OR6C74: variants seen among roughly 807,000 people sequenced by gnomAD.
The protein encoded by OR6C74 is olfactory receptor family 6 subfamily C member 74, also known as olfactory receptor 6C74.
For missense variants in OR6C74, 361 were observed against 362.9 expected, an observed-to-expected ratio of 0.99 and a Z score of 0.04; for synonymous variants, 142 against 134.2, an observed-to-expected ratio of 1.06 and a Z score of -0.40.
In OR6C74 at chr12:55,247,043, T is replaced by C. The variant is rs993312373; in HGVS notation, c.-9-236T>C. Among the ~76,000 whole-genome samples, 3 of 152,328 alleles carry C rather than the reference T, an allele frequency of 2.0e-5. No individual in the cohort carries two copies. In the South Asian group the frequency reaches 6.2e-4, roughly 32 times the overall value. On this transcript the variant is annotated intron_variant, in intron 1 of 1. Transcript: ENST00000343399. ...ACATGACTTTTATCGATGCAACATA[T>C]TATCCCTTCGCAATGCTTACATTTA...
rs1476408737 is a variant in OR6C74 at position 55,250,623 on chromosome 12, A to C, written c.*2397A>C. 6.6e-6 allele frequency among the ~76,000 whole-genome samples: 1 copy of C among 152,120 alleles called. No homozygotes were observed. Among genetic ancestry groups the C allele is most frequent in the Non-Finnish European group, 1.5e-5 (1 of 67,990 alleles). ...GATCAGGGTCCATTATAGGCACTTA[A>C]AATTTTTAAATTGTGCTAGGATTCT... On this transcript the variant is annotated 3_prime_UTR_variant, in exon 2 of 2. Coordinates refer to ENST00000343399, the MANE Select transcript of OR6C74 (RefSeq NM_001005490.2).
Position 55,249,877 on chromosome 12 carries a change from G to C in OR6C74, c.*1651G>C, listed in dbSNP as rs1208951582. Among the ~76,000 whole-genome samples the C allele has an allele frequency of 6.6e-6, 1 of 151,904 alleles. No homozygotes were observed. The highest frequency in any genetic ancestry group is 1.5e-5 in the Non-Finnish European group (1 of 67,976). The stretch of plus-strand genomic sequence containing the variant: ...CCCATTAACTTGTCATTTACATTAG[G>C]TATATCTCCTAATGCTATCCCTCCC... On this transcript the variant is annotated 3_prime_UTR_variant, in exon 2 of 2. Transcript: ENST00000343399.
At position 55,253,014 on chromosome 12, in the gene OR6C74, G is replaced by A. The variant is rs1381552468; in HGVS notation, c.*4788G>A. On this transcript the variant is annotated 3_prime_UTR_variant, in exon 2 of 2. Coordinates refer to ENST00000343399, the MANE Select transcript of OR6C74 (RefSeq NM_001005490.2). ...TAAAATACATCTCAGGATCTCAGGT[G>A]GAAGTCTGTACCAAAACAATCCTTG... 6.6e-6 allele frequency among the ~76,000 whole-genome samples: 1 copy of A among 151,738 alleles called. No homozygotes were observed. Among genetic ancestry groups the A allele is most frequent in the Non-Finnish European group, 1.5e-5 (1 of 67,878 alleles).
At position 55,256,201 on chromosome 12, in the gene OR6C74, A is replaced by C. The variant is rs767080241; in HGVS notation, c.*7975A>C. On this transcript the variant is annotated 3_prime_UTR_variant, in exon 2 of 2. Coordinates refer to ENST00000343399, the MANE Select transcript of OR6C74 (RefSeq NM_001005490.2). ...CATCACCAAGATTCCTGTCCCAGAA[A>C]AGCAGATGTTCATAGCTCTGGGAAT... Among the ~76,000 whole-genome samples the C allele has an allele frequency of 6.6e-6, 1 of 152,042 alleles. No homozygotes were observed. The highest frequency in any genetic ancestry group is 1.5e-5 in the Non-Finnish European group (1 of 67,984).
Position 55,248,271 on chromosome 12 carries a change from GAAGAGTGGAGTATGTGC to G in OR6C74, c.*48_*64del. 8.0e-7 allele frequency: 1 copy of G among 1,253,670 alleles called. No individual in the cohort carries two copies. The highest frequency in any genetic ancestry group is 1.4e-5 in the South Asian group (1 of 70,434). 77.7% of individuals were successfully genotyped at this position (1,253,670 alleles called of 1,614,324 possible). On this transcript the variant is annotated 3_prime_UTR_variant, in exon 2 of 2. Coordinates refer to ENST00000343399, the MANE Select transcript of OR6C74 (RefSeq NM_001005490.2). The stretch of plus-strand genomic sequence containing the variant: ...TAAGGTTATTAGTAAAATAAAACAA[GAAGAGTGGAGTATGTGC>G]AAAGTTTTTCAATGTTTGTATTCAA...
intron 1 of OR6C74, among the ~76,000 whole-genome samples, chr12:55,245,439 T>C (rs1245093144): frequency 1.3e-5 from 2 of 152,152 alleles, no homozygotes; most frequent in African/African-American, 4.8e-5. Context: ...TCCCTATATG[T>C]AGTCATGTTG....
Position 55,252,705 on chromosome 12 carries a change from G to A in OR6C74, c.*4479G>A, listed in dbSNP as rs1215626710. Among the ~76,000 whole-genome samples, 3 of 151,906 alleles carry A rather than the reference G, an allele frequency of 2.0e-5. No individual in the cohort carries two copies. The highest frequency in any genetic ancestry group is 4.4e-5 in the Non-Finnish European group (3 of 67,904). On this transcript the variant is annotated 3_prime_UTR_variant, in exon 2 of 2. Coordinates refer to ENST00000343399, the MANE Select transcript of OR6C74 (RefSeq NM_001005490.2). ...TTAAAACACCATCTGTTTTGGAACA[G>A]AGTAAGGGGGTGATATCTTCAAGAA...
At chr12:55,247,218 G>A (rs1954275582) in intron 1 of OR6C74, 61 bp from the exon 2 acceptor site, 2 of 882,896 alleles carry the variant, frequency 2.3e-6, no homozygotes, top group Non-Finnish European at 3.5e-6. Flanking sequence ...CAAGAAAAAT[G>A]GGTATCTCAT....
Position 55,247,307 on chromosome 12 carries a change from T to C in OR6C74, c.20T>C (p.Val7Ala), listed in dbSNP as rs761926464. 1.6e-5 allele frequency: 26 copies of C among 1,600,812 alleles called. No homozygotes were observed. Among genetic ancestry groups the C allele is most frequent in the Non-Finnish European group, 2.1e-5 (24 of 1,170,434 alleles). Reference sequence around the variant, plus strand: ...TCAACTATGAGAAACCATACAACAGTAGCAAACTTTATTCTTCTTGGACTG... The same window carrying C: ...TCAACTATGAGAAACCATACAACAGCAGCAAACTTTATTCTTCTTGGACTG... MRNHTT[V>A]ANFILLGLTD... is the part of the protein sequence containing the mutation. Residue 7 changes from valine to alanine, a missense_variant, in exon 2 of 2, where the codon GTA becomes GCA. Transcript: ENST00000343399.
At position 55,249,150 on chromosome 12, in the gene OR6C74, G is replaced by T. The variant is rs921431704; in HGVS notation, c.*924G>T. ...TAGAACATTCTATAGATTTATGGAT[G>T]TCATAGATAAAATTAAGACCTTACA... On this transcript the variant is annotated 3_prime_UTR_variant, in exon 2 of 2. Coordinates refer to ENST00000343399, the MANE Select transcript of OR6C74 (RefSeq NM_001005490.2). Among the ~76,000 whole-genome samples, 3 of 152,098 alleles carry T rather than the reference G, an allele frequency of 2.0e-5. No homozygotes were observed.
Position 55,247,365 on chromosome 12 carries a change from T to G in OR6C74, c.78T>G (p.Phe26Leu). 6.2e-7 allele frequency: 1 copy of G among 1,612,594 alleles called. No individual in the cohort carries two copies. Among genetic ancestry groups the G allele is most frequent in the Middle Eastern group, 1.7e-4 (1 of 6,058 alleles). The change falls in exon 2 of 2, where the codon TTT becomes TTG. Residue 26 changes from phenylalanine to leucine, a missense_variant. Coordinates refer to ENST00000343399, the MANE Select transcript of OR6C74 (RefSeq NM_001005490.2). ...ATCCACAATTACAGGTGATTATTTT[T>G]CTTCTCCTTTTTTTCACCTACATGT... Reference protein sequence around the residue: ...TDDPQLQVIIFLLLFFTYMLS... With the variant: ...TDDPQLQVIILLLLFFTYMLS...
rs1328719858 is a variant in OR6C74, at chr12:55,250,521, A to G, written c.*2295A>G. Among the ~76,000 whole-genome samples the G allele has an allele frequency of 1.3e-5, 2 of 152,110 alleles. No homozygotes were observed. ...AACCCTAGGCCTAAGTTACGATGGG[A>G]AAAGATTAGTGAAGATCATTTTTTA... On this transcript the variant is annotated 3_prime_UTR_variant, in exon 2 of 2. Coordinates refer to ENST00000343399, the MANE Select transcript of OR6C74 (RefSeq NM_001005490.2).
chr12:55,249,284 C>G lies in OR6C74; in HGVS notation c.*1058C>G, dbSNP rs1233558536. ...AAAAACTTTTCCTTTCAATAGTACC[C>G]TATCTCAGTGTTATAAGACAAGAAA... On this transcript the variant is annotated 3_prime_UTR_variant, in exon 2 of 2. Coordinates refer to ENST00000343399, the MANE Select transcript of OR6C74 (RefSeq NM_001005490.2). Among the ~76,000 whole-genome samples the G allele has an allele frequency of 6.6e-6, 1 of 152,058 alleles. No individual in the cohort carries two copies. The highest frequency in any genetic ancestry group is 2.4e-5 in the African/African-American group (1 of 41,414).
Position 55,251,960 on chromosome 12 carries a change from T to C in OR6C74, c.*3734T>C, listed in dbSNP as rs778095544. Among the ~76,000 whole-genome samples the C allele has an allele frequency of 6.6e-6, 1 of 151,614 alleles. No homozygotes were observed. Among genetic ancestry groups the C allele is most frequent in the Admixed American group, 6.6e-5 (1 of 15,214 alleles). On this transcript the variant is annotated 3_prime_UTR_variant, in exon 2 of 2. Transcript: ENST00000343399. ...AAAATTATGGACTTGCTTTTCTTTT[T>C]ATAAGTGTAAGTGTGCAACTGGTGT...
rs1954306943 is a variant in OR6C74, at chr12:55,250,749, G to A, written c.*2523G>A. Among the ~76,000 whole-genome samples the A allele has an allele frequency of 2.6e-5, 4 of 152,042 alleles. No individual in the cohort carries two copies. In the South Asian group the frequency reaches 8.3e-4, roughly 32 times the overall value. On this transcript the variant is annotated 3_prime_UTR_variant, in exon 2 of 2. Coordinates refer to ENST00000343399, the MANE Select transcript of OR6C74 (RefSeq NM_001005490.2). The stretch of plus-strand genomic sequence containing the variant: ...AAAAATAACCAACTGTTTTTCACCA[G>A]TATTAGGTTGGCGCAAAAGGAATTG...
At chr12:55,245,605 T>G (rs375715772) in intron 1 of OR6C74, among the ~76,000 whole-genome samples, 1 of 152,194 alleles carries the variant, frequency 6.6e-6, no homozygotes, top group East Asian at 1.9e-4. Context: ...CAGCAAGCAT[T>G]TTATTGTGGT....
rs1471225294 is a variant in OR6C74 at position 55,248,191 on chromosome 12, A to G, written c.904A>G (p.Thr302Ala). The G allele has an allele frequency of 6.2e-7, 1 of 1,611,788 alleles. No individual in the cohort carries two copies. The change falls in exon 2 of 2, where the codon ACA (threonine) becomes GCA (alanine). Residue 302 changes from threonine to alanine, a missense_variant. Transcript: ENST00000343399. ...ACAAGTAAAAGATGTTTTTAAGCAC[A>G]CAGTCAAAAAGATTGAACTTTTCTC... is the stretch of plus-strand genomic sequence containing the variant. The part of the protein sequence containing the change: ...NKQVKDVFKH[T>A]VKKIELFSMK
Position 55,248,920 on chromosome 12 carries a change from G to C in OR6C74, c.*694G>C, listed in dbSNP as rs1219658885. Among the ~76,000 whole-genome samples, 2 of 152,048 alleles carry C rather than the reference G, an allele frequency of 1.3e-5. No homozygotes were observed. The highest frequency in any genetic ancestry group is 4.8e-5 in the African/African-American group (2 of 41,400). On this transcript the variant is annotated 3_prime_UTR_variant, in exon 2 of 2. Transcript: ENST00000343399. ...TCCATCTTCAAAACTCTGTAAGACA[G>C]GTATTTATATGCTCCATTTATGGAT...
In OR6C74 at chr12:55,250,232, A is replaced by G. The variant is rs1954303863; in HGVS notation, c.*2006A>G. ...ACATATTTATTTTATATTTCTAAGT[A>G]TTACATTGCTTACTTTTAAAACTTA... On this transcript the variant is annotated 3_prime_UTR_variant, in exon 2 of 2. Coordinates refer to ENST00000343399, the MANE Select transcript of OR6C74 (RefSeq NM_001005490.2). Among the ~76,000 whole-genome samples the G allele has an allele frequency of 6.6e-6, 1 of 152,104 alleles. No homozygotes were observed. Among genetic ancestry groups the G allele is most frequent in the South Asian group, 2.1e-4 (1 of 4,822 alleles).
Sources: gnomAD v4.1 joint callset for allele counts (sites outside exome capture counted in the v4.1 genomes callset) on GRCh38, gnomAD v4.1.1 for gene constraint, MANE v1.5 for transcripts, NCBI Gene and HGNC (gene_info 2026-07-23, HGNC 2026-07-21) for gene names.